The following GPR12 variants were observed in gnomAD, a reference collection of about 807,000 sequenced individuals.
GPR12 encodes G-protein coupled receptor 12.
Under a neutral mutation model 18.9 loss-of-function variants are expected in GPR12, and 7 were observed. The ratio of observed to expected loss-of-function variants is 0.37; its 90% confidence interval spans 0.21 to 0.70. The LOEUF is 0.70. Among genes scored for constraint, GPR12 ranks in the 30% least tolerant of loss-of-function variants. The pLI is 0.54. For synonymous variants in GPR12, 201 were observed against 188.6 expected (o/e 1.07, Z -0.54); for missense variants, 327 against 427.7 (o/e 0.76, Z 2.08).
Position 26,758,423 on chromosome 13 carries a change from T to A in GPR12, c.*400A>T. 1 of 165,394 alleles carries A rather than the reference T, an allele frequency of 6.0e-6. No individual in the cohort carries two copies. The allele number at this position is 165,394 out of a possible 1,614,324, so 10.2% of individuals were successfully genotyped here. A position where few individuals can be genotyped will look rare whatever the true frequency, so the allele number is the denominator to read the frequency against. On this transcript the variant is annotated 3_prime_UTR_variant, in exon 2 of 2. Coordinates refer to ENST00000405846, the MANE Select transcript of GPR12 (RefSeq NM_005288.4). Reference sequence around the variant, plus strand: ...AAAATAGTCTGGAAAAAGTAAGTCTTTCTCAATTTTCCTCAATCACTCAAA... The same window carrying A: ...AAAATAGTCTGGAAAAAGTAAGTCTATCTCAATTTTCCTCAATCACTCAAA...
At position 26,759,860 on chromosome 13, in the gene GPR12, G is replaced by C; in HGVS notation, c.-15-18C>G. The C allele has an allele frequency of 6.6e-7, 1 of 1,526,354 alleles. No homozygotes were observed. Among genetic ancestry groups the C allele is most frequent in the South Asian group, 1.3e-5 (1 of 76,890 alleles). 94.6% of individuals were successfully genotyped at this position (1,526,354 alleles called of 1,614,324 possible). A position where few individuals can be genotyped will look rare whatever the true frequency, so the allele number is the denominator to read the frequency against. On this transcript the variant is annotated intron_variant, in intron 1 of 1. Transcript: ENST00000405846. ...CCTGTCCTCTTCAACGAAAAGACAG[G>C]CTTTTTAATGTTTAAATACAGCAGG... is the stretch of plus-strand genomic sequence containing the variant.
chr13:26,759,415 CG>C lies in GPR12; in HGVS notation c.412del (p.Arg138AlafsTer9), dbSNP rs1319967437. 1 of 1,613,806 alleles carries C rather than the reference CG, an allele frequency of 6.2e-7. No individual in the cohort carries two copies. Among genetic ancestry groups the C allele is most frequent in the African/African-American group, 1.3e-5 (1 of 74,834 alleles). On this transcript the variant is annotated frameshift_variant, in exon 2 of 2. Coordinates refer to ENST00000405846, the MANE Select transcript of GPR12 (RefSeq NM_005288.4). LOFTEE classifies it high-confidence loss of function. ...VCSLLAITVD[R>X]YLSLYYALTY... ...CAGAGCGTAGTACAGTGAGAGGTAG[CG>C]GTCAACAGTGATAGCCAGCAAGCTG...
At position 26,759,408 on chromosome 13, in the gene GPR12, G is replaced by C. The variant is rs1231055606; in HGVS notation, c.420C>G (p.Leu140=). ...SLLAITVDRY[L]SLYYALTYHS... The stretch of plus-strand genomic sequence containing the variant: ...GGTACGTCAGAGCGTAGTACAGTGA[G>C]AGGTAGCGGTCAACAGTGATAGCCA... The change falls in exon 2 of 2, where the codon CTC becomes CTG. Residue 140 remains leucine, a synonymous_variant. Transcript: ENST00000405846. 2 of 1,614,098 alleles carry C rather than the reference G, an allele frequency of 1.2e-6. No individual in the cohort carries two copies. Among genetic ancestry groups the C allele is most frequent in the South Asian group, 2.2e-5 (2 of 91,062 alleles).
Position 26,759,314 on chromosome 13 carries a change from C to T in GPR12, c.514G>A (p.Gly172Arg), listed in dbSNP as rs149004892. 1 of 1,613,136 alleles carries T rather than the reference C, an allele frequency of 6.2e-7. No homozygotes were observed. The highest frequency in any genetic ancestry group is 1.1e-5 in the South Asian group (1 of 91,032). Residue 172 changes from glycine to arginine, a missense_variant, in exon 2 of 2, where the codon GGG (glycine) becomes AGG (arginine). Coordinates refer to ENST00000405846, the MANE Select transcript of GPR12 (RefSeq NM_005288.4). The stretch of plus-strand genomic sequence containing the variant: ...TTCCAGCCCATGACGGGCAGCAGCC[C>T]CAGGCAGATGGAGGTCCCCCAGAGC... ...VMLWGTSICLGLLPVMGWNCL... is the reference protein window; with the variant it reads ...VMLWGTSICLRLLPVMGWNCL...
chr13:26,760,028 C>T (rs1884453441), intron 1 of GPR12, 186 bp from the exon 2 acceptor site: 2 of 988,488 alleles, frequency 2.0e-6, no homozygotes, highest in South Asian at 5.6e-5. Flanking sequence ...GTGGTTTAAA[C>T]CCCACAACAA....
chr13:26,759,377 C>A lies in GPR12; in HGVS notation c.451G>T (p.Glu151Ter). 1 of 1,613,892 alleles carries A rather than the reference C, an allele frequency of 6.2e-7. No homozygotes were observed. Among genetic ancestry groups the A allele is most frequent in the Admixed American group, 1.7e-5 (1 of 59,996 alleles). The change falls in exon 2 of 2, where the codon GAG (glutamate) becomes TAG (stop). Residue 151 changes from glutamate to a stop codon, truncating the protein, a stop_gained. Transcript: ENST00000405846. LOFTEE classifies it high-confidence loss of function. ...ACATAGGTAAACGTGACCGTCCTCT[C>A]CGAATGGTACGTCAGAGCGTAGTAC... ...SLYYALTYHS[E>*]RTVTFTYVML...
Position 26,756,698 on chromosome 13 carries a change from T to G in GPR12, c.*2125A>C, listed in dbSNP as rs1884381656. ...TTTTTTATCCTCGCCTCTCTTAGTC[T>G]TAGTTTTCTCACCTATAAAAGTAGT... On this transcript the variant is annotated 3_prime_UTR_variant, in exon 2 of 2. Transcript: ENST00000405846. The G allele has an allele frequency of 6.6e-6, 1 of 152,204 alleles. No homozygotes were observed. The highest frequency in any genetic ancestry group is 1.5e-5 in the Non-Finnish European group (1 of 68,036). 9.4% of individuals were successfully genotyped at this position (152,204 alleles called of 1,614,324 possible).
chr13:26,759,850 G>A lies in GPR12; in HGVS notation c.-15-8C>T. The A allele has an allele frequency of 6.5e-7, 1 of 1,531,404 alleles. No homozygotes were observed. Among genetic ancestry groups the A allele is most frequent in the Non-Finnish European group, 8.8e-7 (1 of 1,139,664 alleles). 94.9% of individuals were successfully genotyped at this position (1,531,404 alleles called of 1,614,324 possible). A position where few individuals can be genotyped will look rare whatever the true frequency, so the allele number is the denominator to read the frequency against. ...CATTTTAACCCCTGTCCTCTTCAAC[G>A]AAAAGACAGGCTTTTTAATGTTTAA... On this transcript the variant is annotated splice_polypyrimidine_tract_variant and splice_region_variant and intron_variant, in intron 1 of 1. Coordinates refer to ENST00000405846, the MANE Select transcript of GPR12 (RefSeq NM_005288.4).
rs1884435342 is a variant in GPR12, at chr13:26,759,280, C to T, written c.548G>A (p.Arg183Gln). ...GACCACGCTGCAGGTGGACTCGTCT[C>T]GGAGGCAGTTCCAGCCCATGACGGG... ...LLPVMGWNCLRDESTCSVVRP... is the reference protein window; with the variant it reads ...LLPVMGWNCLQDESTCSVVRP... The change falls in exon 2 of 2, where the codon CGA (arginine) becomes CAA (glutamine). Residue 183 changes from arginine (R) to glutamine (Q), a missense_variant. Coordinates refer to ENST00000405846, the MANE Select transcript of GPR12 (RefSeq NM_005288.4). The T allele has an allele frequency of 6.2e-7, 1 of 1,612,872 alleles. No individual in the cohort carries two copies. Among genetic ancestry groups the T allele is most frequent in the East Asian group, 2.2e-5 (1 of 44,844 alleles).
At position 26,759,230 on chromosome 13, in the gene GPR12, C is replaced by G; in HGVS notation, c.598G>C (p.Ala200Pro). The G allele has an allele frequency of 1.2e-6, 2 of 1,612,740 alleles. No individual in the cohort carries two copies. Among genetic ancestry groups the G allele is most frequent in the Non-Finnish European group, 1.7e-6 (2 of 1,179,906 alleles). ...VVRPLTKNNAAILSVSFLFMF... is the reference protein window; with the variant it reads ...VVRPLTKNNAPILSVSFLFMF... ...AAGAGGAAGGACACCGAGAGGATGG[C>G]CGCGTTGTTCTTGGTGAGCGGTCTG... Residue 200 changes from alanine (A) to proline (P), a missense_variant, in exon 2 of 2, where the codon GCC becomes CCC. Coordinates refer to ENST00000405846, the MANE Select transcript of GPR12 (RefSeq NM_005288.4).
In GPR12 at chr13:26,756,278, C is replaced by A. The variant is rs1397250321; in HGVS notation, c.*2545G>T. 1 of 152,148 alleles carries A rather than the reference C, an allele frequency of 6.6e-6. No individual in the cohort carries two copies. Among genetic ancestry groups the A allele is most frequent in the Non-Finnish European group, 1.5e-5 (1 of 68,032 alleles). The allele number at this position is 152,148 out of a possible 1,614,324, so 9.4% of individuals were successfully genotyped here. A position where few individuals can be genotyped will look rare whatever the true frequency, so the allele number is the denominator to read the frequency against. Reference sequence around the variant, plus strand: ...TCTTTGTTCACTGCTACCTCTGCCTCCTGTCTTCAAGCAGTTCTCCTGCCT... The same window carrying A: ...TCTTTGTTCACTGCTACCTCTGCCTACTGTCTTCAAGCAGTTCTCCTGCCT... On this transcript the variant is annotated 3_prime_UTR_variant, in exon 2 of 2. Transcript: ENST00000405846.
At position 26,760,679 on chromosome 13, in the gene GPR12, G is replaced by T. The variant is rs1165567259; in HGVS notation, c.-116C>A. 6.6e-6 allele frequency: 1 copy of T among 151,056 alleles called. No individual in the cohort carries two copies. Among genetic ancestry groups the T allele is most frequent in the Non-Finnish European group, 1.5e-5 (1 of 67,668 alleles). 9.4% of individuals were successfully genotyped at this position (151,056 alleles called of 1,614,324 possible). On this transcript the variant is annotated 5_prime_UTR_variant, in exon 1 of 2. Transcript: ENST00000405846. Reference sequence around the variant, plus strand: ...AGTTGCCCGCTGTGGCAAGGGGGGGGCGGCCGGGCTCCGGAGCGGGCCGGG... The same window carrying T: ...AGTTGCCCGCTGTGGCAAGGGGGGGTCGGCCGGGCTCCGGAGCGGGCCGGG...
Position 26,759,619 on chromosome 13 carries a change from A to T in GPR12, c.209T>A (p.Phe70Tyr), listed in dbSNP as rs778765614. Residue 70 changes from phenylalanine (F) to tyrosine (Y), a missense_variant, in exon 2 of 2, where the codon TTC (phenylalanine) becomes TAC (tyrosine). Transcript: ENST00000405846. ...CENAIVVLII[F>Y]HNPSLRAPMF... The stretch of plus-strand genomic sequence containing the variant: ...GGGTGCTCGCAGGCTGGGGTTGTGG[A>T]AGATGATAAGGACCACAATGGCATT... 1 of 1,614,030 alleles carries T rather than the reference A, an allele frequency of 6.2e-7. No individual in the cohort carries two copies.
chr13:26,758,439 ATCAC>A lies in GPR12; in HGVS notation c.*380_*383del, dbSNP rs1293179330. ...AGTAAGTCTTTCTCAATTTTCCTCA[ATCAC>A]TCAAATTTATTTTAAAGTCCAGGTA... is the stretch of plus-strand genomic sequence containing the variant. On this transcript the variant is annotated 3_prime_UTR_variant, in exon 2 of 2. Transcript: ENST00000405846. The A allele has an allele frequency of 5.9e-6, 1 of 170,486 alleles. No homozygotes were observed. The highest frequency in any genetic ancestry group is 1.2e-5 in the Non-Finnish European group (1 of 80,328). 10.6% of individuals were successfully genotyped at this position (170,486 alleles called of 1,614,324 possible). A position where few individuals can be genotyped will look rare whatever the true frequency, so the allele number is the denominator to read the frequency against.
Position 26,760,753 on chromosome 13 carries a change from T to C in GPR12, c.-190A>G, listed in dbSNP as rs1184414827. On this transcript the variant is annotated 5_prime_UTR_variant, in exon 1 of 2. Coordinates refer to ENST00000405846, the MANE Select transcript of GPR12 (RefSeq NM_005288.4). ...GGCAGGTGAGCGGCGCGGCTGCAGGTGAGCAGCAGCCTCGGCTCGCGCGCC... is the reference window on the plus strand; with the variant it reads ...GGCAGGTGAGCGGCGCGGCTGCAGGCGAGCAGCAGCCTCGGCTCGCGCGCC... The C allele has an allele frequency of 6.9e-6, 1 of 145,268 alleles. No homozygotes were observed. Among genetic ancestry groups the C allele is most frequent in the Non-Finnish European group, 1.5e-5 (1 of 65,824 alleles). 9.0% of individuals were successfully genotyped at this position (145,268 alleles called of 1,614,324 possible).
In GPR12 at chr13:26,757,377, T is replaced by C. The variant is rs1414356846; in HGVS notation, c.*1446A>G. ...TGCCAAGAATTTTTTCCACTGATTA[T>C]ATAGACATAACTATAAATCCATTGC... On this transcript the variant is annotated 3_prime_UTR_variant, in exon 2 of 2. Transcript: ENST00000405846. 2.0e-5 allele frequency: 3 copies of C among 152,220 alleles called. No homozygotes were observed. Among genetic ancestry groups the C allele is most frequent in the African/African-American group, 7.2e-5 (3 of 41,456 alleles). 9.4% of individuals were successfully genotyped at this position (152,220 alleles called of 1,614,324 possible). A position where few individuals can be genotyped will look rare whatever the true frequency, so the allele number is the denominator to read the frequency against.
In GPR12 at chr13:26,758,753, A is replaced by C; in HGVS notation, c.*70T>G. The stretch of plus-strand genomic sequence containing the variant: ...GAATCCAATGCAAGGAATTCAAGGG[A>C]AGCATCTCAAACCTTGGCCAGGCAG... On this transcript the variant is annotated 3_prime_UTR_variant, in exon 2 of 2. Transcript: ENST00000405846. 8.6e-6 allele frequency: 13 copies of C among 1,519,370 alleles called. No individual in the cohort carries two copies. 94.1% of individuals were successfully genotyped at this position (1,519,370 alleles called of 1,614,324 possible). A position where few individuals can be genotyped will look rare whatever the true frequency, so the allele number is the denominator to read the frequency against.
intron 1 of GPR12, chr13:26,760,338 T>C (rs1257399519): frequency 6.0e-6 from 1 of 166,098 alleles, no homozygotes. Context: ...GTGCACATCC[T>C]CAAACGCACC....
intron 1 of GPR12, chr13:26,760,226 C>CA (rs1884456777): frequency 5.6e-6 from 1 of 177,132 alleles, no homozygotes; most frequent in African/African-American, 2.4e-5. Flanking sequence ...GAAAACCACG[C>CA]GGCAGCGGCA....
Sources: gnomAD v4.1 joint callset for allele counts on GRCh38, gnomAD v4.1.1 for gene constraint, MANE v1.5 for transcripts, NCBI Gene and HGNC (gene_info 2026-07-23, HGNC 2026-07-21) for gene names.